NGEF: variants seen among roughly 807,000 people sequenced by gnomAD.
The protein encoded by NGEF is ephexin-1.
In NGEF, 31 loss-of-function variants were observed where a neutral mutation model predicts 80.9. That is an observed-to-expected ratio of 0.38 (90% CI 0.29 to 0.52). The LOEUF (loss-of-function observed/expected upper bound fraction) is 0.52. Among genes scored for constraint, NGEF ranks in the 20% least tolerant of loss-of-function variants. The pLI, the probability that NGEF is intolerant of heterozygous loss-of-function variation, is 0.84. For synonymous variants in NGEF, 371 were observed against 370.2 expected, an observed-to-expected ratio of 1.00 and a Z score of -0.03; for missense variants, 709 against 926.2, an observed-to-expected ratio of 0.77 and a Z score of 3.04.
chr2:233,003,307 C>A (rs901129381), intron 1 of NGEF, among the ~76,000 whole-genome samples: 1 of 152,158 alleles, frequency 6.6e-6, no homozygotes, highest in Admixed American at 6.5e-5. Context: ...TGCTCCCAGA[C>A]CCACAGCAGC....
intron 1 of NGEF, among the ~76,000 whole-genome samples, chr2:233,006,452 G>T (rs1027540099): frequency 6.6e-6 from 1 of 152,100 alleles, no homozygotes; most frequent in Non-Finnish European, 1.5e-5. Flanking sequence ...AAAGAAGGGG[G>T]CACCTCCAAC....
At chr2:232,921,741 A>G (rs1466127317) in intron 4 of NGEF, among the ~76,000 whole-genome samples, 6 of 149,534 alleles carry the variant, frequency 4.0e-5, no homozygotes, top group Admixed American at 2.0e-4. Context: ...CAGCCTCCCC[A>G]GTGCTGGGAT....
Position 232,888,096 on chromosome 2 carries a change from C to T in NGEF, c.1284G>A (p.Lys428=). The T allele has an allele frequency of 6.2e-7, 1 of 1,603,084 alleles. No individual in the cohort carries two copies. Among genetic ancestry groups the T allele is most frequent in the Non-Finnish European group, 8.5e-7 (1 of 1,176,714 alleles). ...CCCGCTCAGACCTCTCTTCTACCCTCTTCAGGATGTTCTATGCACAGAGAA... is the reference window on the plus strand; with the variant it reads ...CCCGCTCAGACCTCTCTTCTACCCTTTTCAGGATGTTCTATGCACAGAGAA... ...RLKLLVQNIL[K]RVEERSEREC... Residue 428 remains lysine (K), a synonymous_variant, in exon 9 of 15, where the codon AAG becomes AAA. Coordinates refer to ENST00000264051, the MANE Select transcript of NGEF (RefSeq NM_019850.3).
intron 1 of NGEF, among the ~76,000 whole-genome samples, chr2:233,008,563 AGGCC>A: frequency 6.6e-6 from 1 of 152,204 alleles, no homozygotes; most frequent in East Asian, 1.9e-4. Context: ...CAAGGGCCTT[AGGCC>A]CAGCTTGCCT....
At chr2:232,901,402 C>T (rs1559200765) in intron 5 of NGEF, 1 of 985,444 alleles carries the variant, frequency 1.0e-6, no homozygotes, top group African/African-American at 1.7e-5. Flanking sequence ...CCGTGGACCT[C>T]TGGGCCGTGC....
intron 3 of NGEF, among the ~76,000 whole-genome samples, chr2:232,937,199 C>T (rs1173924652): frequency 1.3e-5 from 2 of 152,104 alleles, no homozygotes; most frequent in African/African-American, 4.8e-5. Flanking sequence ...AACTCCTGAC[C>T]TCAAGTGATC....
At chr2:232,967,869 C>T (rs942313505) in intron 3 of NGEF, among the ~76,000 whole-genome samples, 7 of 152,174 alleles carry the variant, frequency 4.6e-5, no homozygotes, top group African/African-American at 1.7e-4. Flanking sequence ...TGTAGCCATC[C>T]AGGGATTTGT....
Position 232,988,181 on chromosome 2 carries a change from C to A in NGEF, c.-74-13217G>T, listed in dbSNP as rs373133049. ...GCTGGCTGATCCCTGCTCCCTCCCC[C>A]ACCACTGGGGGAGGAGGGGAGGTGG... On this transcript the variant is annotated intron_variant, in intron 1 of 14. Transcript: ENST00000264051. Among the ~76,000 whole-genome samples, 38 of 152,158 alleles carry A rather than the reference C, an allele frequency of 2.5e-4. 1 individual carries two copies. Among genetic ancestry groups the A allele is most frequent in the Middle Eastern group, 3.4e-3 (1 of 294 alleles).
At chr2:232,967,166 G>A (rs1409267544) in intron 3 of NGEF, among the ~76,000 whole-genome samples, 2 of 152,020 alleles carry the variant, frequency 1.3e-5, no homozygotes, top group Admixed American at 6.6e-5. Flanking sequence ...AAAAGTGTGT[G>A]GCACCTCTCA....
Position 232,928,071 on chromosome 2 carries a change from G to T in NGEF, c.384-885C>A, listed in dbSNP as rs1693123592. On this transcript the variant is annotated intron_variant, in intron 3 of 14. Transcript: ENST00000264051. Reference sequence around the variant, plus strand: ...CGGGGCCCTGGGCTGGGTCGGGGGCGACTAGCGGGCTGCGGAGCGGGGTCG... The same window carrying T: ...CGGGGCCCTGGGCTGGGTCGGGGGCTACTAGCGGGCTGCGGAGCGGGGTCG... 5 of 1,142,386 alleles carry T rather than the reference G, an allele frequency of 4.4e-6. No homozygotes were observed. In the South Asian group the frequency reaches 1.7e-4, roughly 39 times the overall value. The allele number at this position is 1,142,386 out of a possible 1,614,324, so 70.8% of individuals were successfully genotyped here. A position where few individuals can be genotyped will look rare whatever the true frequency, so the allele number is the denominator to read the frequency against.
chr2:232,902,219 C>T (rs1235694077), intron 5 of NGEF, among the ~76,000 whole-genome samples: 2 of 152,256 alleles, frequency 1.3e-5, no homozygotes, highest in African/African-American at 4.8e-5. Context: ...GTCATTTACA[C>T]TGCAGGCATC....
At position 232,995,002 on chromosome 2, in the gene NGEF, A is replaced by G. The variant is rs978128068; in HGVS notation, c.-75+18066T>C. Among the ~76,000 whole-genome samples, 2 of 69,476 alleles carry G rather than the reference A, an allele frequency of 2.9e-5. 1 individual carries two copies. The highest frequency in any genetic ancestry group is 7.4e-5 in the African/African-American group (2 of 27,188). 45.6% of individuals were successfully genotyped at this position (69,476 alleles called of 152,430 possible). A position where few individuals can be genotyped will look rare whatever the true frequency, so the allele number is the denominator to read the frequency against. ...TACATATATGTATAACTACACATAT[A>G]TGTATAATACATATATGTATACTGT... On this transcript the variant is annotated intron_variant, in intron 1 of 14. Coordinates refer to ENST00000264051, the MANE Select transcript of NGEF (RefSeq NM_019850.3).
intron 3 of NGEF, among the ~76,000 whole-genome samples, chr2:232,943,676 T>C (rs912107005): frequency 2.6e-5 from 4 of 151,290 alleles, no homozygotes; most frequent in African/African-American, 9.8e-5. Flanking sequence ...TTTGTATTTT[T>C]AGTAGAGACG....
chr2:232,932,386 C>T (rs555424607), intron 3 of NGEF, among the ~76,000 whole-genome samples: 3 of 151,940 alleles, frequency 2.0e-5, no homozygotes, highest in South Asian at 2.1e-4. Context: ...GGGCTGGTCT[C>T]GAACTCCTGA....
chr2:232,972,015 A>G (rs6711651), intron 2 of NGEF, among the ~76,000 whole-genome samples: 89,687 of 152,144 alleles, frequency 0.59, 27,636 homozygotes, highest in African/African-American at 0.73. Flanking sequence ...TGTGACTATT[A>G]TGCACTTGAA....
chr2:232,878,712 T>C lies in NGEF; in HGVS notation c.*777A>G, dbSNP rs1390672908. ...AGACCTTCATCTTCTTTATTTTATA[T>C]ATGATGCTTCTTTTAATGCAGCCAA... On this transcript the variant is annotated 3_prime_UTR_variant, in exon 15 of 15. Transcript: ENST00000264051. The C allele has an allele frequency of 6.6e-6, 1 of 152,648 alleles. No individual in the cohort carries two copies. Among genetic ancestry groups the C allele is most frequent in the Non-Finnish European group, 1.5e-5 (1 of 68,048 alleles). 9.5% of individuals were successfully genotyped at this position (152,648 alleles called of 1,614,324 possible). A position where few individuals can be genotyped will look rare whatever the true frequency, so the allele number is the denominator to read the frequency against.
At chr2:232,929,228 A>G (rs1693167348) in intron 3 of NGEF, among the ~76,000 whole-genome samples, 1 of 152,234 alleles carries the variant, frequency 6.6e-6, no homozygotes, top group Admixed American at 6.5e-5. Flanking sequence ...TGTTTAAATT[A>G]GCAAATTCTT....
chr2:232,887,760 T>C (rs902294928), intron 9 of NGEF, among the ~76,000 whole-genome samples: 13 of 152,192 alleles, frequency 8.5e-5, no homozygotes, highest in African/African-American at 3.1e-4. Flanking sequence ...GCCACGCTGC[T>C]GTCCCCACAT....
rs757189808 is a variant in NGEF at position 232,920,244 on chromosome 2, G to T, written c.828+40C>A. 14 of 1,575,908 alleles carry T rather than the reference G, an allele frequency of 8.9e-6. No homozygotes were observed. In the South Asian group the frequency reaches 1.3e-4, roughly 14 times the overall value. On this transcript the variant is annotated intron_variant, in intron 5 of 14. Coordinates refer to ENST00000264051, the MANE Select transcript of NGEF (RefSeq NM_019850.3). ...ACCCCCAGCAGTGAGGGCCACCCCGGTGTGCTGTGGGGGAGCCCCCGCCCC... is the reference window on the plus strand; with the variant it reads ...ACCCCCAGCAGTGAGGGCCACCCCGTTGTGCTGTGGGGGAGCCCCCGCCCC...
Sources: allele counts gnomAD v4.1 joint callset (sites outside exome capture counted in the v4.1 genomes callset), GRCh38; gene constraint gnomAD v4.1.1; transcripts MANE v1.5; gene names NCBI Gene and HGNC (gene_info 2026-07-23, HGNC 2026-07-21).